VPS35L: variants seen among roughly 807,000 people sequenced by gnomAD.
VPS35L encodes VPS35 endosomal protein-sorting factor-like.
In VPS35L, 83 loss-of-function variants were observed where a neutral mutation model predicts 133.0. That is an observed-to-expected ratio of 0.62 (90% CI 0.52 to 0.75). The LOEUF (loss-of-function observed/expected upper bound fraction) is 0.75, where lower values mean the gene tolerates loss of function less well. Ranked by LOEUF, VPS35L falls within the 30% of genes least tolerant of loss-of-function variation. VPS35L has a pLI of 0.00. For missense variants in VPS35L, 1,083 were observed against 1,206.8 expected (o/e 0.90, Z 1.52); for synonymous variants, 423 against 449.9 (o/e 0.94, Z 0.76).
intron 29 of VPS35L, among the ~76,000 whole-genome samples, chr16:19,698,403 T>C (rs549183332): frequency 6.6e-6 from 1 of 152,294 alleles, no homozygotes; most frequent in Admixed American, 6.5e-5. Flanking sequence ...GGAGAAATGC[T>C]TCTGCTTTTA....
At chr16:19,579,003 T>C in intron 5 of VPS35L, 49 bp from the exon 6 acceptor site, 4 of 1,490,692 alleles carry the variant, frequency 2.7e-6, no homozygotes, top group Non-Finnish European at 3.7e-6. Context: ...ACTGGGGGTA[T>C]TGGTGCACGA....
rs377476012 is a variant in VPS35L at position 19,573,259 on chromosome 16, C to G, written c.408+18C>G. 1 of 1,611,498 alleles carries G rather than the reference C, an allele frequency of 6.2e-7. No individual in the cohort carries two copies. The highest frequency in any genetic ancestry group is 2.2e-5 in the East Asian group (1 of 44,832). ...TGTCTATTGTGAGTACCAGGAGACC[C>G]TCTCCAGAGTCTACTTTGGAGTTAG... is the stretch of plus-strand genomic sequence containing the variant. On this transcript the variant is annotated intron_variant, in intron 4 of 30. Transcript: ENST00000417362.
At chr16:19,591,561 A>C (rs1354803962) in intron 7 of VPS35L, among the ~76,000 whole-genome samples, 9 of 152,098 alleles carry the variant, frequency 5.9e-5, no homozygotes, top group Admixed American at 3.9e-4. Context: ...ACAAAAAAAA[A>C]AAAGGAAGGG....
At chr16:19,594,868 A>G (rs1054707656) in intron 8 of VPS35L, among the ~76,000 whole-genome samples, 1 of 151,992 alleles carries the variant, frequency 6.6e-6, no homozygotes, top group Non-Finnish European at 1.5e-5. Flanking sequence ...AGGTGCTCAG[A>G]GGAAGCCTCG....
chr16:19,693,288 G>A (rs963935364), intron 29 of VPS35L, among the ~76,000 whole-genome samples: 8 of 150,424 alleles, frequency 5.3e-5, no homozygotes, highest in African/African-American at 4.8e-5. Flanking sequence ...TGTGTGTTGC[G>A]GGGGGGCAGG....
intron 26 of VPS35L, among the ~76,000 whole-genome samples, chr16:19,664,407 C>A (rs1974593493): frequency 6.6e-6 from 1 of 151,784 alleles, no homozygotes; most frequent in Non-Finnish European, 1.5e-5. Context: ...GTGGAAAGAA[C>A]CATAGAATGC....
At chr16:19,648,874 CA>C (rs552677405) in intron 24 of VPS35L, among the ~76,000 whole-genome samples, 2,489 of 91,774 alleles carry the variant, frequency 0.027, 15 homozygotes, top group Middle Eastern at 0.081. Flanking sequence ...GACTCCATCT[CA>C]AAAAAAAAAA....
chr16:19,695,988 G>A (rs545536952), intron 29 of VPS35L, among the ~76,000 whole-genome samples: 1 of 152,154 alleles, frequency 6.6e-6, no homozygotes, highest in East Asian at 1.9e-4. Context: ...CCAGATTCAA[G>A]TGATTCTCCT....
chr16:19,618,827 A>G (rs952290750), intron 14 of VPS35L, among the ~76,000 whole-genome samples: 1 of 151,906 alleles, frequency 6.6e-6, no homozygotes, highest in Non-Finnish European at 1.5e-5. Context: ...CATGATTTTT[A>G]TATCTGTGCG....
chr16:19,698,353 T>C (rs1975989039), intron 29 of VPS35L, among the ~76,000 whole-genome samples: 1 of 152,114 alleles, frequency 6.6e-6, no homozygotes, highest in African/African-American at 2.4e-5. Context: ...TCCTCCTCTT[T>C]CCTGTTTTTC....
In VPS35L at chr16:19,644,793, T is replaced by A. The variant is rs1973886211; in HGVS notation, c.1866-93T>A. On this transcript the variant is annotated intron_variant, in intron 22 of 30. Transcript: ENST00000417362. The stretch of plus-strand genomic sequence containing the variant: ...AAATCTAGAAAATGCAAAATGTTCT[T>A]ACCTGTTAAATTACTTACCCCTTGT... 9 of 841,598 alleles carry A rather than the reference T, an allele frequency of 1.1e-5. No individual in the cohort carries two copies. The South Asian group carries it at 1.9e-4, about 17-fold the overall frequency. 52.1% of individuals were successfully genotyped at this position (841,598 alleles called of 1,614,324 possible).
intron 24 of VPS35L, 54 bp downstream of exon 24, chr16:19,647,936 T>A: frequency 7.2e-7 from 1 of 1,388,092 alleles, no homozygotes; most frequent in Non-Finnish European, 1.0e-6. Flanking sequence ...ATTGATCATC[T>A]ACATCCCAAT....
chr16:19,674,770 T>C (rs973635257), intron 27 of VPS35L, among the ~76,000 whole-genome samples: 2 of 152,088 alleles, frequency 1.3e-5, no homozygotes, highest in African/African-American at 4.8e-5. Context: ...TCTATGAATC[T>C]ATTTTAGATA....
At chr16:19,626,144 A>G in intron 14 of VPS35L, 33 bp from the exon 15 acceptor site, 1 of 1,472,182 alleles carries the variant, frequency 6.8e-7, no homozygotes, top group Middle Eastern at 2.1e-4. Context: ...CTCCAACCTG[A>G]TTTTTTAATT....
intron 3 of VPS35L, among the ~76,000 whole-genome samples, chr16:19,570,521 T>C (rs2151506869): frequency 6.6e-6 from 1 of 152,278 alleles, no homozygotes; most frequent in Non-Finnish European, 1.5e-5. Flanking sequence ...GTTGTGAGAA[T>C]GATGGCTGTA....
chr16:19,655,538 G>A (rs994616441), intron 26 of VPS35L, among the ~76,000 whole-genome samples: 4 of 152,184 alleles, frequency 2.6e-5, no homozygotes, highest in African/African-American at 4.8e-5. Flanking sequence ...TTGGCAGGCT[G>A]TGGCTTTCCC....
intron 7 of VPS35L, among the ~76,000 whole-genome samples, chr16:19,587,144 A>G (rs1971892203): frequency 6.6e-6 from 1 of 152,072 alleles, no homozygotes; most frequent in Non-Finnish European, 1.5e-5. Flanking sequence ...TTTTCAGACA[A>G]CCAGATCTCA....
intron 29 of VPS35L, among the ~76,000 whole-genome samples, chr16:19,692,307 A>T (rs1398092315): frequency 6.6e-6 from 1 of 152,158 alleles, no homozygotes; most frequent in Non-Finnish European, 1.5e-5. Context: ...CCATCAGTTC[A>T]TGGTGAATCC....
In VPS35L at chr16:19,565,177, C is replaced by T. The variant is rs547996517; in HGVS notation, c.117+227C>T. 5.9e-5 allele frequency among the ~76,000 whole-genome samples: 9 copies of T among 151,382 alleles called. No homozygotes were observed. In the South Asian group the frequency reaches 6.3e-4, roughly 11 times the overall value. ...AAGCGATTCTCCTGCCTCAGCCTCC[C>T]GAGTAGCTGGGGCTATAGGCACACG... On this transcript the variant is annotated intron_variant, in intron 2 of 30. Transcript: ENST00000417362.
Sources: allele counts gnomAD v4.1 joint callset (sites outside exome capture counted in the v4.1 genomes callset), GRCh38; gene constraint gnomAD v4.1.1; transcripts MANE v1.5; gene names NCBI Gene and HGNC (gene_info 2026-07-23, HGNC 2026-07-21).